Variants in ARSK observed in about 807,000 individuals in gnomAD.
ARSK encodes the protein arylsulfatase K.
In ARSK, 37 loss-of-function variants were observed where a neutral mutation model predicts 53.2. The observed-to-expected ratio is 0.70, with a 90% confidence interval of 0.54 to 0.92. The LOEUF is 0.92. Among genes scored for constraint, ARSK ranks in the 40% least tolerant of loss-of-function variants. The pLI, the probability that ARSK is intolerant of heterozygous loss-of-function variation, is 0.00. For missense variants in ARSK, 613 were observed against 643.0 expected (o/e 0.95, Z 0.51); for synonymous variants, 208 against 223.2 (o/e 0.93, Z 0.61).
At chr5:95,571,115 T>C (rs1366887992) in intron 3 of ARSK, among the ~76,000 whole-genome samples, 1 of 152,250 alleles carries the variant, frequency 6.6e-6, no homozygotes, top group African/African-American at 2.4e-5. Context: ...TTTGCATTGC[T>C]AGTTACTTTA....
At chr5:95,574,498 G>A (rs995515046) in intron 3 of ARSK, among the ~76,000 whole-genome samples, 1 of 151,994 alleles carries the variant, frequency 6.6e-6, no homozygotes, top group Admixed American at 6.5e-5. Flanking sequence ...CCATATCCTC[G>A]CCAGCATTTG....
intron 3 of ARSK, among the ~76,000 whole-genome samples, chr5:95,576,130 C>T (rs1205774779): frequency 1.3e-5 from 2 of 151,156 alleles, no homozygotes; most frequent in East Asian, 3.9e-4. Flanking sequence ...GCTTTTTCAG[C>T]ATCAGTTGAA....
intron 4 of ARSK, among the ~76,000 whole-genome samples, chr5:95,584,466 A>G (rs1469143612): frequency 6.6e-6 from 1 of 152,228 alleles, no homozygotes; most frequent in Non-Finnish European, 1.5e-5. Flanking sequence ...AAATTCATGC[A>G]TATCAAACCA....
intron 6 of ARSK, among the ~76,000 whole-genome samples, chr5:95,592,695 C>T (rs1206461902): frequency 6.6e-6 from 1 of 152,096 alleles, no homozygotes; most frequent in East Asian, 1.9e-4. Flanking sequence ...ATTACAGGCG[C>T]CTGCCACCAT....
At chr5:95,584,674 C>A (rs1580225665) in intron 4 of ARSK, among the ~76,000 whole-genome samples, 2 of 151,858 alleles carry the variant, frequency 1.3e-5, no homozygotes, top group Non-Finnish European at 2.9e-5. Flanking sequence ...CCAGAACCTA[C>A]AAGAAACTCA....
intron 6 of ARSK, among the ~76,000 whole-genome samples, chr5:95,596,915 G>A (rs1220701382): frequency 1.4e-4 from 21 of 152,040 alleles, no homozygotes; most frequent in African/African-American, 5.1e-4. Context: ...GTTTATTTGT[G>A]CTTTTGGATC....
intron 4 of ARSK, 51 bp downstream of exon 4, chr5:95,583,249 A>G: frequency 1.4e-6 from 2 of 1,383,054 alleles, no homozygotes; most frequent in Non-Finnish European, 1.9e-6. Context: ...TATGTGGCTT[A>G]TTGGTATTTG....
chr5:95,577,417 C>T (rs1298857495), intron 3 of ARSK, among the ~76,000 whole-genome samples: 10 of 151,946 alleles, frequency 6.6e-5, no homozygotes, highest in Admixed American at 6.6e-4. Flanking sequence ...TTTAAAAGTA[C>T]AATAGTAGGA....
At chr5:95,569,811 C>A (rs1288230760) in intron 3 of ARSK, among the ~76,000 whole-genome samples, 3 of 148,842 alleles carry the variant, frequency 2.0e-5, no homozygotes, top group South Asian at 2.1e-4. Flanking sequence ...ATAATCTGAA[C>A]ATTAAAATTG....
Position 95,555,186 on chromosome 5 carries a change from A to AG in ARSK, c.-92dup. On this transcript the variant is annotated 5_prime_UTR_variant, in exon 1 of 8. Transcript: ENST00000380009. The surrounding 1 kb of genome is among the most constrained non-coding windows in gnomAD (Gnocchi z 4.0). ...AAGCAACCAAACTGCAAGCTTTGGGAGTTGTTCGCTGTCCCTGCCCTGCTC... is the reference window on the plus strand; with the variant it reads ...AAGCAACCAAACTGCAAGCTTTGGGAGGTTGTTCGCTGTCCCTGCCCTGCTC... 8.1e-7 allele frequency: 1 copy of AG among 1,229,730 alleles called. No homozygotes were observed. The highest frequency in any genetic ancestry group is 1.1e-6 in the Non-Finnish European group (1 of 893,696). The allele number at this position is 1,229,730 out of a possible 1,614,324, so 76.2% of individuals were successfully genotyped here. A position where few individuals can be genotyped will look rare whatever the true frequency, so the allele number is the denominator to read the frequency against.
intron 3 of ARSK, among the ~76,000 whole-genome samples, chr5:95,571,389 G>A (rs1248400981): frequency 2.6e-5 from 4 of 152,030 alleles, no homozygotes; most frequent in African/African-American, 9.7e-5. Flanking sequence ...GTACATTGTA[G>A]GTTCATAATT....
At chr5:95,561,047 GA>G (rs1748624504) in intron 1 of ARSK, among the ~76,000 whole-genome samples, 1 of 152,116 alleles carries the variant, frequency 6.6e-6, no homozygotes, top group Non-Finnish European at 1.5e-5. Flanking sequence ...CTGACCTTGG[GA>G]TATACCCGCC....
chr5:95,597,660 AG>A (rs559225999), intron 6 of ARSK, among the ~76,000 whole-genome samples: 136 of 152,204 alleles, frequency 8.9e-4, no homozygotes, highest in African/African-American at 3.0e-3. Flanking sequence ...TTGGGAGGCC[AG>A]GGTGGGCAGA....
chr5:95,574,722 C>T (rs1748893341), intron 3 of ARSK, among the ~76,000 whole-genome samples: 1 of 151,916 alleles, frequency 6.6e-6, no homozygotes, highest in African/African-American at 2.4e-5. Flanking sequence ...TGTTTGAGCT[C>T]CTTATATATT....
Position 95,603,518 on chromosome 5 carries a change from G to A in ARSK, c.1603G>A (p.Ala535Thr), listed in dbSNP as rs774384668. ...GCTTAAAACCCATATGAATCCAAGA[G>A]CAGTTTGAACAAAAAGTTTAAAAAT... ...QWLKTHMNPR[A>T]V Residue 535 changes from alanine to threonine, a missense_variant, in exon 8 of 8, where the codon GCA becomes ACA. By Grantham distance (58) the Ala-to-Thr change is moderately conservative. Transcript: ENST00000380009. 12 of 1,590,516 alleles carry A rather than the reference G, an allele frequency of 7.5e-6. 1 individual carries two copies. Among genetic ancestry groups the A allele is most frequent in the Middle Eastern group, 3.4e-4 (2 of 5,970 alleles).
intron 5 of ARSK, among the ~76,000 whole-genome samples, chr5:95,589,069 C>A (rs988655919): frequency 2.0e-5 from 3 of 152,216 alleles, no homozygotes; most frequent in Non-Finnish European, 4.4e-5. Context: ...TTGCTTTCTA[C>A]ATGGCTGGCT....
Position 95,567,909 on chromosome 5 carries a change from C to T in ARSK, c.276C>T (p.Phe92=), listed in dbSNP as rs140352384. The T allele has an allele frequency of 3.2e-5, 52 of 1,606,208 alleles. No homozygotes were observed. The African/African-American group carries it at 3.9e-4, about 12-fold the overall frequency. ...TCTCAGCAATGTGGAGTGGCCTCTT[C>T]ACTCACTTAACAGAATCTTGGAATA... ...PSRAAMWSGL[F]THLTESWNNF... is the part of the protein sequence containing the mutation. Residue 92 remains phenylalanine, a synonymous_variant, in exon 3 of 8, where the codon TTC becomes TTT. Coordinates refer to ENST00000380009, the MANE Select transcript of ARSK (RefSeq NM_198150.3).
intron 6 of ARSK, among the ~76,000 whole-genome samples, chr5:95,597,850 C>A (rs945365481): frequency 7.4e-5 from 11 of 148,822 alleles, no homozygotes; most frequent in Non-Finnish European, 1.3e-4. Flanking sequence ...GCCAAGATTG[C>A]GCCACTGCAC....
chr5:95,598,581 G>T lies in ARSK; in HGVS notation c.1097-2266G>T, dbSNP rs573617762. Among the ~76,000 whole-genome samples the T allele has an allele frequency of 1.1e-4, 17 of 152,160 alleles. No individual in the cohort carries two copies. The South Asian group carries it at 3.5e-3, about 32-fold the overall frequency. On this transcript the variant is annotated intron_variant, in intron 6 of 7. Coordinates refer to ENST00000380009, the MANE Select transcript of ARSK (RefSeq NM_198150.3). ...GCTTCCTAACTCTCTCTGACCTTCT[G>T]CCCTTACCCACTTTTAGTCAATTCA...
Sources: allele counts gnomAD v4.1 joint callset (sites outside exome capture counted in the v4.1 genomes callset), GRCh38; gene constraint gnomAD v4.1.1; non-coding constraint Gnocchi (gnomAD v3.1); transcripts MANE v1.5; gene names NCBI Gene and HGNC (gene_info 2026-07-23, HGNC 2026-07-21).